The following MYOF variants were observed in gnomAD, a reference collection of about 807,000 sequenced individuals.
The protein encoded by MYOF is myoferlin.
MYOF carries 244 observed loss-of-function variants against 284.2 expected under a neutral mutation model. The observed-to-expected ratio is 0.86, with a 90% CI of 0.77 to 0.95. MYOF has a LOEUF of 0.95. Ranked by LOEUF, MYOF falls within the 40% of genes least tolerant of loss-of-function variation. The probability of loss-of-function intolerance (pLI) is 0.00; values close to 1 mark genes in which losing one functional copy is unlikely to be tolerated. For synonymous variants in MYOF, 904 were observed against 919.7 expected, an observed-to-expected ratio of 0.98 and a Z score of 0.31; for missense variants, 2,496 against 2,560.6, an observed-to-expected ratio of 0.97 and a Z score of 0.54.
Position 93,313,153 on chromosome 10 carries a change from C to A in MYOF, c.5756G>T (p.Cys1919Phe). The change falls in exon 51 of 54, where the codon TGC becomes TTC. Residue 1919 changes from cysteine (C) to phenylalanine (F), a missense_variant. Cys to Phe is a radical substitution (Grantham distance 205, BLOSUM62 -2). Transcript: ENST00000359263. ...TIIPAKSPEK[C>F]RLDMIPDLKA... Reference sequence around the variant, plus strand: ...GAGGTCCGGAATCATGTCCAATCTGCATTTCTCTGGTGATTTTGCAGGAAT... The same window carrying A: ...GAGGTCCGGAATCATGTCCAATCTGAATTTCTCTGGTGATTTTGCAGGAAT... 1 of 1,614,064 alleles carries A rather than the reference C, an allele frequency of 6.2e-7. No homozygotes were observed. The highest frequency in any genetic ancestry group is 8.5e-7 in the Non-Finnish European group (1 of 1,179,978).
intron 46 of MYOF, among the ~76,000 whole-genome samples, chr10:93,323,968 T>C (rs2259185): frequency 0.86 from 131,477 of 152,288 alleles, 56,809 homozygotes; most frequent in East Asian, 0.91. Flanking sequence ...ACAATGATAA[T>C]ATTACAGTTC....
intron 1 of MYOF, among the ~76,000 whole-genome samples, chr10:93,457,617 T>A (rs1160101303): frequency 6.6e-6 from 1 of 152,218 alleles, no homozygotes; most frequent in Non-Finnish European, 1.5e-5. Flanking sequence ...TGCTTAAAGT[T>A]TCCTTGTAGC....
At chr10:93,317,287 C>T (rs926289193) in intron 49 of MYOF, among the ~76,000 whole-genome samples, 5 of 127,204 alleles carry the variant, frequency 3.9e-5, no homozygotes, top group African/African-American at 6.0e-5. Context: ...GGCCCAGATT[C>T]TACTTCTGCT....
rs1387158609 is a variant in MYOF at position 93,349,821 on chromosome 10, A to C, written c.4070T>G (p.Leu1357Arg). 1 of 1,614,078 alleles carries C rather than the reference A, an allele frequency of 6.2e-7. No homozygotes were observed. The highest frequency in any genetic ancestry group is 1.7e-5 in the Admixed American group (1 of 60,010). The change falls in exon 36 of 54, where the codon CTC becomes CGC. Residue 1357 changes from leucine to arginine, a missense_variant. By Grantham distance (102) the Leu-to-Arg change is moderately radical. Transcript: ENST00000359263. ...TCGATACTGTACCACTTTCATGAAGAGAACAGAACTTGGAAAGTTGGGTGT... is the reference window on the plus strand; with the variant it reads ...TCGATACTGTACCACTTTCATGAAGCGAACAGAACTTGGAAAGTTGGGTGT... ...KKTPNFPSSV[L>R]FMKVFLPKEE...
chr10:93,337,851 G>A lies in MYOF; in HGVS notation c.4401C>T (p.Cys1467=), dbSNP rs754245701. 48 of 1,613,704 alleles carry A rather than the reference G, an allele frequency of 3.0e-5. 1 individual carries two copies. Among genetic ancestry groups the A allele is most frequent in the Middle Eastern group, 1.6e-4 (1 of 6,082 alleles). Residue 1467 remains cysteine, a synonymous_variant, in exon 40 of 54, where the codon TGC becomes TGT. Coordinates refer to ENST00000359263, the MANE Select transcript of MYOF (RefSeq NM_013451.4). ...AATAGCCTTTCTGAATATACTGTCC[G>A]CATTTTTCATGTTCCCCTGAGGAAG... ...FYASSGEHEK[C]GQYIQKGYSK... is the part of the protein sequence containing the mutation.
chr10:93,470,009 G>A (rs561594616), intron 1 of MYOF, among the ~76,000 whole-genome samples: 19 of 152,058 alleles, frequency 1.2e-4, no homozygotes, highest in African/African-American at 4.3e-4. Context: ...CGGGCAGATC[G>A]CCTGAGGTCA....
rs778531072 is a variant in MYOF at position 93,482,210 on chromosome 10, G to T, written c.-16C>A. ...CTCGCAGCATGGTTCTTAGCTGGTAGAAAGCAAGTTTCAGCAAACGAAGTG... is the reference window on the plus strand; with the variant it reads ...CTCGCAGCATGGTTCTTAGCTGGTATAAAGCAAGTTTCAGCAAACGAAGTG... On this transcript the variant is annotated 5_prime_UTR_variant, in exon 1 of 54. Coordinates refer to ENST00000359263, the MANE Select transcript of MYOF (RefSeq NM_013451.4). 11 of 1,607,936 alleles carry T rather than the reference G, an allele frequency of 6.8e-6. No homozygotes were observed. The highest frequency in any genetic ancestry group is 8.5e-6 in the Non-Finnish European group (10 of 1,177,302).
chr10:93,359,291 C>A (rs1170430550), intron 29 of MYOF, among the ~76,000 whole-genome samples: 2 of 152,160 alleles, frequency 1.3e-5, no homozygotes, highest in Non-Finnish European at 2.9e-5. Context: ...TACTCAGTAC[C>A]TAGCATTATA....
At chr10:93,340,016 C>G in intron 39 of MYOF, 137 bp downstream of exon 39, 1 of 862,892 alleles carries the variant, frequency 1.2e-6, no homozygotes. Flanking sequence ...GGGGGCGGAG[C>G]CTGCAGTGAG....
chr10:93,341,483 G>A (rs1286537756), intron 38 of MYOF, among the ~76,000 whole-genome samples: 3 of 152,016 alleles, frequency 2.0e-5, no homozygotes, highest in Non-Finnish European at 4.4e-5. Context: ...CACCATGTTG[G>A]CCAGGCTGGT....
At position 93,356,712 on chromosome 10, in the gene MYOF, T is replaced by C. The variant is rs765720052; in HGVS notation, c.3257A>G (p.His1086Arg). ...AAGTTTAAAGATGGCAGCTGCACCA[T>C]GTGTTTCTGAAGGAGCCATTTTTCT... Reference protein sequence around the residue: ...WRRKMAPSETHGAAAIFKLEG... With the variant: ...WRRKMAPSETRGAAAIFKLEG... Residue 1086 changes from histidine (H) to arginine (R), a missense_variant, in exon 30 of 54, where the codon CAT becomes CGT. His to Arg is a conservative substitution (Grantham distance 29). Coordinates refer to ENST00000359263, the MANE Select transcript of MYOF (RefSeq NM_013451.4). The C allele has an allele frequency of 7.4e-6, 12 of 1,614,042 alleles. No individual in the cohort carries two copies. The East Asian group carries it at 2.7e-4, about 36-fold the overall frequency.
rs767875448 is a variant in MYOF, at chr10:93,482,183, C to A, written c.12G>T (p.Val4=). 4 of 1,614,098 alleles carry A rather than the reference C, an allele frequency of 2.5e-6. No individual in the cohort carries two copies. Among genetic ancestry groups the A allele is most frequent in the Non-Finnish European group, 3.4e-6 (4 of 1,179,978 alleles). ...GGATATTGCTGGCAGATTCCACAAT[C>A]ACTCGCAGCATGGTTCTTAGCTGGT... MLR[V]IVESASNIPK... The change falls in exon 1 of 54, where the codon GTG becomes GTT. Residue 4 remains valine (V), a synonymous_variant. Coordinates refer to ENST00000359263, the MANE Select transcript of MYOF (RefSeq NM_013451.4).
chr10:93,445,318 G>T (rs1046542904), intron 3 of MYOF, among the ~76,000 whole-genome samples: 1 of 152,190 alleles, frequency 6.6e-6, no homozygotes, highest in Non-Finnish European at 1.5e-5. Flanking sequence ...ATCATATGAG[G>T]TGTGTGTGAG....
chr10:93,389,118 G>A lies in MYOF; in HGVS notation c.1493C>T (p.Thr498Met), dbSNP rs190149415. Reference protein sequence around the residue: ...TGETEVGFVPTFGPCYLNLYG... With the variant: ...TGETEVGFVPMFGPCYLNLYG... ...AAGATTCAGGTAACAAGGTCCAAAC[G>A]TTGGAACAAAGCCTACCTCTGTTTC... Residue 498 changes from threonine (T) to methionine (M), a missense_variant, in exon 18 of 54, where the codon ACG becomes ATG. Physicochemically the swap from Thr to Met is moderately conservative, Grantham distance 81. Around this residue, in one of 3 missense-constraint regions of MYOF, gnomAD observed 2,436 missense variants for 2,480.7 expected, o/e 0.98. Coordinates refer to ENST00000359263, the MANE Select transcript of MYOF (RefSeq NM_013451.4). 2.8e-4 allele frequency: 458 copies of A among 1,614,074 alleles called. 1 individual carries two copies. The African/African-American group carries it at 5.2e-3, about 18-fold the overall frequency.
intron 3 of MYOF, among the ~76,000 whole-genome samples, chr10:93,447,661 G>A (rs112767947): frequency 6.6e-5 from 10 of 152,154 alleles, no homozygotes; most frequent in Admixed American, 2.0e-4. Flanking sequence ...TCTCTCGTTC[G>A]CCAGCTAATA....
intron 53 of MYOF, among the ~76,000 whole-genome samples, chr10:93,309,275 C>T (rs1842278274): frequency 6.6e-6 from 1 of 152,198 alleles, no homozygotes; most frequent in African/African-American, 2.4e-5. Flanking sequence ...ATGAACTGCT[C>T]TTGGGCACAA....
At chr10:93,423,607 G>A (rs187373780) in intron 5 of MYOF, among the ~76,000 whole-genome samples, 173 of 150,766 alleles carry the variant, frequency 1.1e-3, no homozygotes, top group Middle Eastern at 3.4e-3. Flanking sequence ...GCCAAGGTGG[G>A]TGGATCACGA....
chr10:93,444,126 G>T (rs2056360028), intron 3 of MYOF, among the ~76,000 whole-genome samples: 1 of 152,190 alleles, frequency 6.6e-6, no homozygotes, highest in African/African-American at 2.4e-5. Flanking sequence ...CTGTTTCAGA[G>T]AGCCGAGGTG....
intron 5 of MYOF, among the ~76,000 whole-genome samples, chr10:93,416,459 G>A (rs1195011623): frequency 6.6e-6 from 1 of 151,996 alleles, no homozygotes; most frequent in Non-Finnish European, 1.5e-5. Context: ...AGAGGCAGAG[G>A]TTGCAGTGAG....
Sources: allele counts gnomAD v4.1 joint callset (sites outside exome capture counted in the v4.1 genomes callset), GRCh38; gene constraint gnomAD v4.1.1; regional missense constraint gnomAD v4.1.1; transcripts MANE v1.5; gene names NCBI Gene and HGNC (gene_info 2026-07-23, HGNC 2026-07-21).